Variants in SEC16A observed in about 807,000 individuals in gnomAD.
The protein encoded by SEC16A is SEC16 homolog A, endoplasmic reticulum export factor.
In SEC16A, 110 loss-of-function variants were observed where a neutral mutation model predicts 221.9. That is an observed-to-expected ratio of 0.50 (90% CI 0.42 to 0.58). SEC16A has a LOEUF of 0.58. SEC16A is among the 20% of genes least tolerant of loss of function. The pLI, the probability that SEC16A is intolerant of heterozygous loss-of-function variation, is 0.00. For missense variants in SEC16A, 3,165 were observed against 3,097.8 expected (o/e 1.02, Z -0.52); for synonymous variants, 1,393 against 1,257.7 (o/e 1.11, Z -2.28).
rs1482671980 is a variant in SEC16A, at chr9:136,481,180, G to A, written c.-192+1758C>T. Among the ~76,000 whole-genome samples the A allele has an allele frequency of 2.3e-5, 3 of 132,748 alleles. No homozygotes were observed. In the South Asian group the frequency reaches 7.0e-4, roughly 31 times the overall value. The allele number at this position is 132,748 out of a possible 152,430, so 87.1% of individuals were successfully genotyped here. A position where few individuals can be genotyped will look rare whatever the true frequency, so the allele number is the denominator to read the frequency against. On this transcript the variant is annotated intron_variant, in intron 1 of 31. Coordinates refer to ENST00000684901, the MANE Select transcript of SEC16A (RefSeq NM_014866.2). ...GACGGAGTCTTGCTCTTTCACCCAG[G>A]CTGGAGTGCAGTGGCGCGATCTCGG...
chr9:136,446,526 A>C (rs868531411), intron 28 of SEC16A, among the ~76,000 whole-genome samples: 19 of 152,070 alleles, frequency 1.2e-4, no homozygotes, highest in Middle Eastern at 6.8e-3. Flanking sequence ...AGAGTAATTA[A>C]TTTTACTTTT....
At position 136,459,200 on chromosome 9, in the gene SEC16A, C is replaced by A; in HGVS notation, c.5343G>T (p.Gln1781His). 1 of 1,613,902 alleles carries A rather than the reference C, an allele frequency of 6.2e-7. No homozygotes were observed. The highest frequency in any genetic ancestry group is 8.5e-7 in the Non-Finnish European group (1 of 1,179,806). Residue 1781 changes from glutamine (Q) to histidine (H), a missense_variant, in exon 17 of 32, where the codon CAG (glutamine) becomes CAT (histidine). Physicochemically the swap from Gln to His is conservative, Grantham distance 24 (BLOSUM62 0). Transcript: ENST00000684901. The surrounding 1 kb of genome is among the most constrained non-coding windows in gnomAD (Gnocchi z 6.1). The part of the protein sequence containing the change: ...FLKFATNEAI[Q>H]RTEAYEYAQS... The stretch of plus-strand genomic sequence containing the variant: ...GGGCGTACTCATAGGCTTCCGTCCT[C>A]TGGATTGCTTCGTTGGTTGCGAACT...
At chr9:136,483,488 C>A, upstream of SEC16A, 1 of 977,316 alleles carries the variant, frequency 1.0e-6, no homozygotes, top group Non-Finnish European at 1.2e-6. Context: ...CGCCCCCCTC[C>A]GGCGTCCGTC....
At position 136,441,687 on chromosome 9, in the gene SEC16A, G is replaced by A. The variant is rs1212497631; in HGVS notation, c.*68C>T. The A allele has an allele frequency of 6.9e-7, 1 of 1,451,866 alleles. No individual in the cohort carries two copies. Among genetic ancestry groups the A allele is most frequent in the Non-Finnish European group, 9.7e-7 (1 of 1,035,502 alleles). The allele number at this position is 1,451,866 out of a possible 1,614,324, so 89.9% of individuals were successfully genotyped here. Reference sequence around the variant, plus strand: ...TGGGGGCGGGACGGAGATCGCGGAGGTCGGTCGGGTTCTTCGGGGAGAACA... The same window carrying A: ...TGGGGGCGGGACGGAGATCGCGGAGATCGGTCGGGTTCTTCGGGGAGAACA... On this transcript the variant is annotated 3_prime_UTR_variant, in exon 32 of 32. Transcript: ENST00000684901.
At chr9:136,442,413 G>A (rs1337320616) in intron 31 of SEC16A, among the ~76,000 whole-genome samples, 1 of 152,268 alleles carries the variant, frequency 6.6e-6, no homozygotes, top group African/African-American at 2.4e-5. Flanking sequence ...ACCAGGGCAG[G>A]AGTGCTGGGC....
At chr9:136,452,363 T>C (rs537901915) in intron 22 of SEC16A, among the ~76,000 whole-genome samples, 33 of 140,772 alleles carry the variant, frequency 2.3e-4, no homozygotes, top group Non-Finnish European at 3.8e-4. Context: ...AGGCAGAGAA[T>C]TGCTTAAACC....
rs1344914733 is a variant in SEC16A, at chr9:136,447,007, C to T, written c.6698-58G>A. 1 of 1,610,298 alleles carries T rather than the reference C, an allele frequency of 6.2e-7. No individual in the cohort carries two copies. The highest frequency in any genetic ancestry group is 1.3e-5 in the African/African-American group (1 of 74,726). On this transcript the variant is annotated intron_variant, in intron 27 of 31. Transcript: ENST00000684901. The surrounding 1 kb of genome is among the most constrained non-coding windows in gnomAD (Gnocchi z 5.5). Reference sequence around the variant, plus strand: ...CGTCCCGAACGTCCCTGGGGTCTCACTGAAGACACTCCGAGAGGAAGAGAG... The same window carrying T: ...CGTCCCGAACGTCCCTGGGGTCTCATTGAAGACACTCCGAGAGGAAGAGAG...
At chr9:136,470,294 C>A (rs1840688503) in intron 4 of SEC16A, among the ~76,000 whole-genome samples, 1 of 152,244 alleles carries the variant, frequency 6.6e-6, no homozygotes, top group Non-Finnish European at 1.5e-5. Context: ...CTGACCCTGC[C>A]TCTGGTGAAA....
chr9:136,477,874 G>A (rs1841851580), intron 2 of SEC16A, among the ~76,000 whole-genome samples, 190 bp from the exon 3 acceptor site: 1 of 152,128 alleles, frequency 6.6e-6, no homozygotes, highest in Non-Finnish European at 1.5e-5. Context: ...TGGGGGGCAG[G>A]GGACAGAGTG....
chr9:136,447,441 G>C lies in SEC16A; in HGVS notation c.6560-77C>G. On this transcript the variant is annotated intron_variant, in intron 26 of 31. Coordinates refer to ENST00000684901, the MANE Select transcript of SEC16A (RefSeq NM_014866.2). The surrounding 1 kb of genome is among the most constrained non-coding windows in gnomAD (Gnocchi z 5.5). ...CTTCCAAATGCTCTGCGCTCACTGC[G>C]TCAGAGGAAAAGCACGCAGGGACGT... is the stretch of plus-strand genomic sequence containing the variant. 6.4e-7 allele frequency: 1 copy of C among 1,571,242 alleles called. No individual in the cohort carries two copies. The highest frequency in any genetic ancestry group is 2.3e-5 in the East Asian group (1 of 43,046).
At position 136,466,451 on chromosome 9, in the gene SEC16A, C is replaced by A. The variant is rs755766327; in HGVS notation, c.3941G>T (p.Arg1314Leu). The change falls in exon 7 of 32, where the codon CGT (arginine) becomes CTT (leucine). Residue 1314 changes from arginine (R) to leucine (L), a missense_variant. Transcript: ENST00000684901. This position sits in a 1 kb window ranked among gnomAD's most constrained non-coding sequence, Gnocchi z 5.5. ...AGGATCGTACCTCCAGTTGTTGTCA[C>A]GTTTCTCGGGCCTAGAGGAAGCCGG... is the stretch of plus-strand genomic sequence containing the variant. ...HSAFGDRPEK[R>L]DNNWRYDPRF... 1 of 1,604,388 alleles carries A rather than the reference C, an allele frequency of 6.2e-7. No individual in the cohort carries two copies. Among genetic ancestry groups the A allele is most frequent in the Admixed American group, 1.7e-5 (1 of 59,104 alleles).
At chr9:136,470,704 C>T (rs1017581736) in intron 4 of SEC16A, among the ~76,000 whole-genome samples, 1 of 152,232 alleles carries the variant, frequency 6.6e-6, no homozygotes, top group Admixed American at 6.5e-5. Context: ...GGGCCAGCTG[C>T]GTGGGCAGAG....
At position 136,466,199 on chromosome 9, in the gene SEC16A, C is replaced by CT; in HGVS notation, c.4128+64_4129-63insA. On this transcript the variant is annotated intron_variant, in intron 7 of 31. Transcript: ENST00000684901. This position sits in a 1 kb window ranked among gnomAD's most constrained non-coding sequence, Gnocchi z 5.5. Reference sequence around the variant, plus strand: ...AGGCACAGCAGTAAAACTTTAGGTACATTGCAAACAGGATGGTGGTTCTAA... The same window carrying CT: ...AGGCACAGCAGTAAAACTTTAGGTACTATTGCAAACAGGATGGTGGTTCTAA... The CT allele has an allele frequency of 6.4e-7, 1 of 1,568,538 alleles. No individual in the cohort carries two copies. Among genetic ancestry groups the CT allele is most frequent in the East Asian group, 2.3e-5 (1 of 44,346 alleles).
chr9:136,445,122 G>A lies in SEC16A; in HGVS notation c.6868-11C>T. ...ACTACAGCGCGAAAGCTACAAAACA[G>A]CAAGAACACACATAAAACACGGACG... On this transcript the variant is annotated splice_polypyrimidine_tract_variant and intron_variant, in intron 29 of 31. Transcript: ENST00000684901. 6.2e-7 allele frequency: 1 copy of A among 1,600,466 alleles called. No individual in the cohort carries two copies. The highest frequency in any genetic ancestry group is 8.5e-7 in the Non-Finnish European group (1 of 1,173,452).
chr9:136,484,184 C>T (rs985530504), upstream of SEC16A: 2 of 235,748 alleles, frequency 8.5e-6, no homozygotes, highest in African/African-American at 2.3e-5. Flanking sequence ...CGGTTCGTTC[C>T]CCCGGCCGCC....
rs1589042444 is a variant in SEC16A at position 136,483,011 on chromosome 9, C to T, written c.-265G>A. On this transcript the variant is annotated 5_prime_UTR_variant, in exon 1 of 32. Coordinates refer to ENST00000684901, the MANE Select transcript of SEC16A (RefSeq NM_014866.2). ...CGACGCTGGCGACGAGCACAGACAC[C>T]TCAGCCGCCGCAGCCATCTTGGCAC... 1 of 985,326 alleles carries T rather than the reference C, an allele frequency of 1.0e-6. No individual in the cohort carries two copies. The highest frequency in any genetic ancestry group is 1.2e-6 in the Non-Finnish European group (1 of 829,876). The allele number at this position is 985,326 out of a possible 1,614,324, so 61.0% of individuals were successfully genotyped here.
intron 1 of SEC16A, among the ~76,000 whole-genome samples, chr9:136,482,639 T>C (rs1203801775): frequency 6.6e-6 from 1 of 152,192 alleles, no homozygotes; most frequent in Non-Finnish European, 1.5e-5. Context: ...TTACGAGGGG[T>C]GCCTGGGGGT....
upstream of SEC16A, chr9:136,483,353 G>A (rs1423095772): frequency 2.8e-6 from 1 of 354,424 alleles, no homozygotes; most frequent in South Asian, 1.2e-4. Context: ...CTCTTCCGTC[G>A]TTCCTCGCCT....
At chr9:136,443,798 G>A (rs756441739) in intron 31 of SEC16A, 25 bp downstream of exon 31, 28 of 1,597,170 alleles carry the variant, frequency 1.8e-5, no homozygotes, top group Non-Finnish European at 2.4e-5. Context: ...TTAGGGTCTC[G>A]TAGGGAAAGG....
Sources: gnomAD v4.1 joint callset for allele counts (sites outside exome capture counted in the v4.1 genomes callset) on GRCh38, gnomAD v4.1.1 for gene constraint, Gnocchi (gnomAD v3.1) non-coding constraint, MANE v1.5 for transcripts, NCBI Gene and HGNC (gene_info 2026-07-23, HGNC 2026-07-21) for gene names.